The following OXSR1 variants were observed in gnomAD, a reference collection of about 807,000 sequenced individuals.
OXSR1 encodes serine/threonine-protein kinase OSR1.
OXSR1 carries 24 observed loss-of-function variants against 79.8 expected under a neutral mutation model. That is an observed-to-expected ratio of 0.30 (90% confidence interval 0.22 to 0.42). The LOEUF (loss-of-function observed/expected upper bound fraction) is 0.42. Ranked by LOEUF, OXSR1 falls within the 10% of genes least tolerant of loss-of-function variation. The probability of loss-of-function intolerance (pLI) is 1.00; values close to 1 mark genes in which losing one functional copy is unlikely to be tolerated. For synonymous variants in OXSR1, 226 were observed against 209.2 expected (o/e 1.08, Z -0.69); for missense variants, 430 against 618.4 (o/e 0.70, Z 3.23).
At chr3:38,194,833 C>T (rs1702045261) in intron 3 of OXSR1, among the ~76,000 whole-genome samples, 2 of 152,180 alleles carry the variant, frequency 1.3e-5, no homozygotes, top group Admixed American at 6.5e-5. Flanking sequence ...TCTTTCATAT[C>T]ACCTTTTTAG....
chr3:38,210,859 A>G (rs992669121), intron 4 of OXSR1, among the ~76,000 whole-genome samples: 4 of 152,194 alleles, frequency 2.6e-5, no homozygotes, highest in African/African-American at 9.7e-5. Context: ...TGAACTGGAT[A>G]AGATTAAATC....
intron 2 of OXSR1, among the ~76,000 whole-genome samples, chr3:38,185,946 CAAAAAAAAAAAAAAAAAAA>C (rs71085304): frequency 6.2e-5 from 2 of 32,094 alleles, no homozygotes; most frequent in Non-Finnish European, 1.0e-4. Context: ...GGCCCTGTCT[CAAAAAAAAAAAAAAAAAAA>C]AAAAAAAAAA....
intron 12 of OXSR1, among the ~76,000 whole-genome samples, chr3:38,245,243 A>G (rs905887169): frequency 2.0e-5 from 3 of 152,170 alleles, no homozygotes; most frequent in African/African-American, 4.8e-5. Flanking sequence ...CATTTTGGCT[A>G]TTGCATCGTT....
chr3:38,178,626 T>TAAA (rs1559501087), intron 1 of OXSR1, among the ~76,000 whole-genome samples: 4 of 121,956 alleles, frequency 3.3e-5, no homozygotes, highest in Non-Finnish European at 6.9e-5. Flanking sequence ...ATATATTTTT[T>TAAA]TTTTTTTTTT....
At chr3:38,189,487 C>G (rs563072291) in intron 2 of OXSR1, among the ~76,000 whole-genome samples, 1 of 152,064 alleles carries the variant, frequency 6.6e-6, no homozygotes, top group Non-Finnish European at 1.5e-5. Context: ...ATGGCAAGAT[C>G]CTTGCCATAA....
At chr3:38,214,961 GCTTTTCTT>G (rs1702454363) in intron 4 of OXSR1, among the ~76,000 whole-genome samples, 2 of 152,130 alleles carry the variant, frequency 1.3e-5, no homozygotes, top group Non-Finnish European at 2.9e-5. Context: ...AGCAGGCCTT[GCTTTTCTT>G]TCTTGTGTAG....
chr3:38,175,528 T>C (rs1023318512), intron 1 of OXSR1, among the ~76,000 whole-genome samples: 7 of 152,170 alleles, frequency 4.6e-5, no homozygotes, highest in Non-Finnish European at 1.0e-4. Context: ...CTCAAACTTG[T>C]CAGCTCAAGT....
intron 2 of OXSR1, among the ~76,000 whole-genome samples, chr3:38,186,241 AT>A (rs548624893): frequency 8.0e-5 from 12 of 150,370 alleles, no homozygotes; most frequent in African/African-American, 9.8e-5. Flanking sequence ...GTCTTTGAAG[AT>A]TTTTTTTTTA....
At chr3:38,171,249 ATTC>A (rs373403283) in intron 1 of OXSR1, among the ~76,000 whole-genome samples, 17 of 152,196 alleles carry the variant, frequency 1.1e-4, no homozygotes, top group African/African-American at 3.6e-4. Context: ...AAAGCATTGT[ATTC>A]TTATTCTAAC....
chr3:38,206,564 T>C (rs1426626246), intron 4 of OXSR1, among the ~76,000 whole-genome samples: 1 of 152,044 alleles, frequency 6.6e-6, no homozygotes, highest in African/African-American at 2.4e-5. Context: ...GGGTTAATTT[T>C]GCTATTCGCT....
intron 3 of OXSR1, among the ~76,000 whole-genome samples, chr3:38,194,797 T>A (rs1163332990): frequency 6.6e-6 from 1 of 152,044 alleles, no homozygotes; most frequent in East Asian, 1.9e-4. Flanking sequence ...ATAACCAGAG[T>A]TAACAGAAAT....
At chr3:38,172,027 T>C (rs1701592251) in intron 1 of OXSR1, among the ~76,000 whole-genome samples, 1 of 152,228 alleles carries the variant, frequency 6.6e-6, no homozygotes, top group African/African-American at 2.4e-5. Context: ...GGCCGTTATA[T>C]AGATTGAGTG....
chr3:38,252,667 T>G, intron 17 of OXSR1, 150 bp from the exon 18 acceptor site: 2 of 663,454 alleles, frequency 3.0e-6, no homozygotes, highest in Non-Finnish European at 5.3e-6. Flanking sequence ...CCCCCTCTTT[T>G]CTGGAATAAA....
At chr3:38,244,641 G>GTT in intron 12 of OXSR1, among the ~76,000 whole-genome samples, 1 of 125,100 alleles carries the variant, frequency 8.0e-6, no homozygotes, top group South Asian at 2.8e-4. Context: ...ATTCCTCTGT[G>GTT]TGTGTGTGTG....
Position 38,214,491 on chromosome 3 carries a change from A to G in OXSR1, c.435-1605A>G, listed in dbSNP as rs544564659. Among the ~76,000 whole-genome samples, 4 of 152,306 alleles carry G rather than the reference A, an allele frequency of 2.6e-5. No homozygotes were observed. In the East Asian group the frequency reaches 5.8e-4, roughly 22 times the overall value. ...ACACAGAGAAGGGAGTGACTAAACT[A>G]TACTTTTCTTCCCTCATTGGGTTTT... is the stretch of plus-strand genomic sequence containing the variant. On this transcript the variant is annotated intron_variant, in intron 4 of 17. Transcript: ENST00000311806.
At chr3:38,164,623 CTG>C (rs1007358716), upstream of OXSR1, among the ~76,000 whole-genome samples, 1 of 152,182 alleles carries the variant, frequency 6.6e-6, no homozygotes, top group African/African-American at 2.4e-5. Flanking sequence ...ACTGAGAAAA[CTG>C]TTCAGTGGGG....
intron 1 of OXSR1, 104 bp from the exon 2 acceptor site, chr3:38,182,899 G>A: frequency 3.2e-6 from 2 of 620,252 alleles, no homozygotes; most frequent in Admixed American, 3.2e-5. Context: ...ATGCGCTGTA[G>A]GAACAAGATA....
At chr3:38,193,455 A>C (rs1702019831) in intron 3 of OXSR1, 1 of 1,205,722 alleles carries the variant, frequency 8.3e-7, no homozygotes, top group African/African-American at 1.6e-5. Context: ...CACCTATAGC[A>C]TAATTTTCTT....
chr3:38,208,672 G>T (rs548865133), intron 4 of OXSR1, among the ~76,000 whole-genome samples: 2 of 152,310 alleles, frequency 1.3e-5, no homozygotes, highest in African/African-American at 4.8e-5. Flanking sequence ...GGAGGTTGAG[G>T]TTGGTGGATC....
Sources: gnomAD v4.1 joint callset for allele counts (sites outside exome capture counted in the v4.1 genomes callset) on GRCh38, gnomAD v4.1.1 for gene constraint, MANE v1.5 for transcripts, NCBI Gene and HGNC (gene_info 2026-07-23, HGNC 2026-07-21) for gene names.